Variants in SYT1 observed in about 807,000 individuals in gnomAD.
The protein encoded by SYT1 is synaptotagmin-1.
In SYT1, 8 loss-of-function variants were observed where a neutral mutation model predicts 44.8. The ratio of observed to expected loss-of-function variants is 0.18; its 90% CI spans 0.10 to 0.32. SYT1 has a LOEUF of 0.32. Among genes scored for constraint, SYT1 ranks in the 10% least tolerant of loss-of-function variants. SYT1 has a pLI of 1.00. For missense variants in SYT1, 286 were observed against 509.3 expected (o/e 0.56, Z 4.22); for synonymous variants, 154 against 188.8 (o/e 0.82, Z 1.51).
At chr12:78,977,752 T>C (rs993454804) in intron 1 of SYT1, 47 bp from the exon 2 acceptor site, 1 of 152,134 alleles carries the variant, frequency 6.6e-6, no homozygotes, top group Non-Finnish European at 1.5e-5. Flanking sequence ...GTGTGCAGAG[T>C]TGCAGGCTAG....
chr12:79,307,644 G>C (rs537184092), intron 8 of SYT1, among the ~76,000 whole-genome samples: 1 of 151,250 alleles, frequency 6.6e-6, no homozygotes, highest in Non-Finnish European at 1.5e-5. Flanking sequence ...GCGTGGGGGG[G>C]GGCGGCAGGA....
At chr12:78,905,096 C>G (rs1875891307) in intron 1 of SYT1, among the ~76,000 whole-genome samples, 4 of 152,126 alleles carry the variant, frequency 2.6e-5, no homozygotes, top group Admixed American at 2.6e-4. Flanking sequence ...GCACTGATTA[C>G]TTGGTAAGGC....
chr12:79,330,740 C>T (rs1881817327), intron 8 of SYT1, among the ~76,000 whole-genome samples: 1 of 152,134 alleles, frequency 6.6e-6, no homozygotes, highest in Admixed American at 6.5e-5. Flanking sequence ...ATGTATTAAT[C>T]CGTTAAATCC....
chr12:79,297,375 A>C (rs1879926183), intron 7 of SYT1, among the ~76,000 whole-genome samples: 1 of 152,180 alleles, frequency 6.6e-6, no homozygotes, highest in African/African-American at 2.4e-5. Flanking sequence ...ATGGAAATAA[A>C]ATTTTAAAAA....
At chr12:79,434,980 A>T (rs954971017) in intron 9 of SYT1, among the ~76,000 whole-genome samples, 5 of 152,118 alleles carry the variant, frequency 3.3e-5, no homozygotes, top group Non-Finnish European at 7.3e-5. Flanking sequence ...AAAGATAGAC[A>T]CATAACTCAA....
chr12:79,403,304 A>G (rs1392677622), intron 9 of SYT1, among the ~76,000 whole-genome samples: 1 of 152,022 alleles, frequency 6.6e-6, no homozygotes, highest in Non-Finnish European at 1.5e-5. Flanking sequence ...GAGAGGCTTT[A>G]TCTTAAGGAA....
Position 79,266,158 on chromosome 12 carries a change from T to C in SYT1, c.167-19629T>C, listed in dbSNP as rs1377243528. On this transcript the variant is annotated intron_variant, in intron 4 of 10. Transcript: ENST00000261205. ...ATTCAATAAACATTTTCTAAAGACT[T>C]AGCATGTACTTAACTGACATTTCAT... Among the ~76,000 whole-genome samples, 3 of 152,144 alleles carry C rather than the reference T, an allele frequency of 2.0e-5. 1 individual carries two copies. The highest frequency in any genetic ancestry group is 7.2e-5 in the African/African-American group (3 of 41,420).
At chr12:79,310,657 T>C (rs1011453258) in intron 8 of SYT1, among the ~76,000 whole-genome samples, 2 of 152,216 alleles carry the variant, frequency 1.3e-5, no homozygotes, top group African/African-American at 4.8e-5. Context: ...GCATGGAATG[T>C]TCTTCCATTT....
At chr12:79,220,702 G>A (rs1235327158) in intron 4 of SYT1, among the ~76,000 whole-genome samples, 1 of 151,958 alleles carries the variant, frequency 6.6e-6, no homozygotes, top group East Asian at 1.9e-4. Context: ...TTATTCAAGA[G>A]TATGTTGTTT....
At chr12:79,387,449 T>C (rs904049605) in intron 9 of SYT1, among the ~76,000 whole-genome samples, 1 of 152,226 alleles carries the variant, frequency 6.6e-6, no homozygotes, top group African/African-American at 2.4e-5. Flanking sequence ...TGGGCATCAA[T>C]CTCTCAATGA....
chr12:79,035,962 A>T (rs2137693325), intron 2 of SYT1, among the ~76,000 whole-genome samples: 1 of 151,804 alleles, frequency 6.6e-6, no homozygotes, highest in East Asian at 1.9e-4. Flanking sequence ...AAAAAAAAAA[A>T]ACAAGGTAGA....
chr12:79,325,669 C>T (rs376217983), intron 8 of SYT1, among the ~76,000 whole-genome samples: 22 of 152,268 alleles, frequency 1.4e-4, no homozygotes, highest in African/African-American at 5.3e-4. Flanking sequence ...AGTATGGCTA[C>T]AGATAAGGTT....
chr12:78,874,721 G>A (rs1272767307), intron 1 of SYT1, among the ~76,000 whole-genome samples: 3 of 151,502 alleles, frequency 2.0e-5, no homozygotes, highest in Non-Finnish European at 4.4e-5. Flanking sequence ...AGTCATAGGT[G>A]GAAATGGGAG....
At chr12:79,218,435 A>G (rs1381299402) in intron 4 of SYT1, among the ~76,000 whole-genome samples, 1 of 152,200 alleles carries the variant, frequency 6.6e-6, no homozygotes, top group East Asian at 1.9e-4. Flanking sequence ...CATGTTGTAG[A>G]CATAAACATC....
chr12:79,099,839 A>C (rs1432352852), intron 3 of SYT1, among the ~76,000 whole-genome samples: 2 of 152,144 alleles, frequency 1.3e-5, no homozygotes, highest in Admixed American at 6.6e-5. Flanking sequence ...TTTTCAAAGC[A>C]CAGCACTAAT....
At chr12:79,296,434 G>C (rs972561582) in intron 7 of SYT1, among the ~76,000 whole-genome samples, 198 bp downstream of exon 7, 1 of 152,038 alleles carries the variant, frequency 6.6e-6, no homozygotes, top group East Asian at 1.9e-4. Context: ...AGTAGGATTC[G>C]GTTCAGTCAT....
intron 7 of SYT1, among the ~76,000 whole-genome samples, chr12:79,297,092 G>A (rs1879911940): frequency 6.6e-6 from 1 of 152,154 alleles, no homozygotes; most frequent in South Asian, 2.1e-4. Context: ...ATTCTGGGAT[G>A]AAATAAATTG....
intron 2 of SYT1, among the ~76,000 whole-genome samples, chr12:78,993,050 T>C (rs1483693207): frequency 2.0e-5 from 3 of 152,226 alleles, no homozygotes; most frequent in African/African-American, 4.8e-5. Flanking sequence ...ATGGCAACTG[T>C]ATGCTAATAA....
At chr12:79,421,728 TTGG>T (rs1869134177) in intron 9 of SYT1, among the ~76,000 whole-genome samples, 2 of 151,818 alleles carry the variant, frequency 1.3e-5, no homozygotes, top group South Asian at 2.1e-4. Flanking sequence ...TTTTTTATTG[TTGG>T]TGGTGGTGGG....
Sources: allele counts gnomAD v4.1 joint callset (sites outside exome capture counted in the v4.1 genomes callset), GRCh38; gene constraint gnomAD v4.1.1; transcripts MANE v1.5; gene names NCBI Gene and HGNC (gene_info 2026-07-23, HGNC 2026-07-21).